Variants in ATRNL1 observed in about 807,000 individuals in gnomAD.
The protein encoded by ATRNL1 is attractin like 1.
In ATRNL1, 95 loss-of-function variants were observed where a neutral mutation model predicts 182.7. The ratio of observed to expected loss-of-function variants is 0.52; its 90% CI spans 0.44 to 0.62. The LOEUF is 0.62. Ranked by LOEUF, ATRNL1 falls within the 20% of genes least tolerant of loss-of-function variation. ATRNL1 has a pLI of 0.00. For missense variants in ATRNL1, 1,471 were observed against 1,679.5 expected (o/e 0.88, Z 2.17); for synonymous variants, 576 against 568.3 (o/e 1.01, Z -0.19).
chr10:115,346,940 G>T (rs1554939916), intron 19 of ATRNL1, among the ~76,000 whole-genome samples: 1 of 151,898 alleles, frequency 6.6e-6, no homozygotes, highest in African/African-American at 2.4e-5. Context: ...CAAATCCATT[G>T]CCATATGTAA....
At chr10:115,796,343 C>A (rs2420117) in intron 27 of ATRNL1, among the ~76,000 whole-genome samples, 1 of 151,814 alleles carries the variant, frequency 6.6e-6, no homozygotes, top group African/African-American at 2.4e-5. Flanking sequence ...TTTCCCCTTC[C>A]CACCTAATCT....
intron 5 of ATRNL1, among the ~76,000 whole-genome samples, chr10:115,136,505 G>T (rs902503296): frequency 2.0e-5 from 3 of 152,118 alleles, no homozygotes; most frequent in African/African-American, 7.2e-5. Flanking sequence ...ACATTCTGTG[G>T]GTTTGGACAA....
intron 28 of ATRNL1, among the ~76,000 whole-genome samples, chr10:115,917,983 G>A (rs1952924522): frequency 6.6e-6 from 1 of 151,636 alleles, no homozygotes; most frequent in East Asian, 1.9e-4. Context: ...CCAGAAATAA[G>A]ATTTGTATCA....
intron 19 of ATRNL1, among the ~76,000 whole-genome samples, chr10:115,336,233 G>T (rs1374487029): frequency 2.6e-5 from 4 of 152,076 alleles, no homozygotes; most frequent in African/African-American, 9.7e-5. Flanking sequence ...GTTAATGCAG[G>T]AGTTATGTTC....
At chr10:115,108,227 G>A (rs541101604) in intron 1 of ATRNL1, among the ~76,000 whole-genome samples, 9 of 152,236 alleles carry the variant, frequency 5.9e-5, no homozygotes, top group African/African-American at 1.9e-4. Context: ...TAGCCACGCA[G>A]CTCTTTCAAT....
At chr10:115,688,308 G>A (rs1377878512) in intron 26 of ATRNL1, among the ~76,000 whole-genome samples, 1 of 152,074 alleles carries the variant, frequency 6.6e-6, no homozygotes, top group Non-Finnish European at 1.5e-5. Flanking sequence ...TTGATACACT[G>A]ATTTCCTTTG....
At chr10:115,537,711 T>TTTGTTTGTTTG (rs1852118023) in intron 25 of ATRNL1, among the ~76,000 whole-genome samples, 1 of 48,476 alleles carries the variant, frequency 2.1e-5, no homozygotes, top group Non-Finnish European at 4.9e-5. Context: ...TTGTTTGTTT[T>TTTGTTTGTTTG]TTACTTCTGT....
chr10:115,802,446 GA>G (rs1165242890), intron 27 of ATRNL1, among the ~76,000 whole-genome samples: 9 of 151,810 alleles, frequency 5.9e-5, no homozygotes, highest in Non-Finnish European at 5.9e-5. Flanking sequence ...CACAGAAGTG[GA>G]AAAAAAGAAT....
chr10:115,293,942 C>T (rs1206938266), intron 15 of ATRNL1, among the ~76,000 whole-genome samples: 1 of 152,156 alleles, frequency 6.6e-6, no homozygotes, highest in East Asian at 1.9e-4. Context: ...TGTAGAGGAC[C>T]TGTATAGGCT....
chr10:115,426,181 G>T, intron 20 of ATRNL1, 69 bp from the exon 21 acceptor site: 1 of 1,249,400 alleles, frequency 8.0e-7, no homozygotes, highest in Admixed American at 1.9e-5. Context: ...ATACTTTTTT[G>T]CTTGAAGAAA....
At chr10:115,811,569 A>G (rs1021656258) in intron 27 of ATRNL1, among the ~76,000 whole-genome samples, 1 of 152,020 alleles carries the variant, frequency 6.6e-6, no homozygotes, top group Non-Finnish European at 1.5e-5. Flanking sequence ...ATCTCCAACT[A>G]TAATTGTAGT....
intron 26 of ATRNL1, among the ~76,000 whole-genome samples, chr10:115,595,249 C>T (rs1419531969): frequency 6.6e-6 from 1 of 151,906 alleles, no homozygotes; most frequent in African/African-American, 2.4e-5. Context: ...TTCTTCCTTC[C>T]TTCCCTTTTT....
chr10:115,833,178 A>G (rs1950596710), intron 27 of ATRNL1, among the ~76,000 whole-genome samples: 1 of 152,226 alleles, frequency 6.6e-6, no homozygotes, highest in Non-Finnish European at 1.5e-5. Context: ...ACTGTATGCA[A>G]TACAATATAC....
At chr10:115,400,283 T>C (rs749613456) in intron 20 of ATRNL1, among the ~76,000 whole-genome samples, 4 of 152,056 alleles carry the variant, frequency 2.6e-5, no homozygotes, top group Non-Finnish European at 5.9e-5. Flanking sequence ...TAAAACTATA[T>C]AATTTGATTG....
chr10:115,202,268 G>T (rs1167914937), intron 8 of ATRNL1, among the ~76,000 whole-genome samples: 28 of 151,174 alleles, frequency 1.9e-4, no homozygotes, highest in Admixed American at 1.5e-3. Flanking sequence ...CCAACACTAT[G>T]TTGAATAGGA....
intron 26 of ATRNL1, among the ~76,000 whole-genome samples, chr10:115,585,008 C>G (rs1303491753): frequency 4.9e-5 from 7 of 143,778 alleles, no homozygotes; most frequent in African/African-American, 1.8e-4. Flanking sequence ...CGTTATGTAC[C>G]CAGTAGTCAT....
intron 26 of ATRNL1, among the ~76,000 whole-genome samples, chr10:115,665,545 T>C (rs578045765): frequency 6.6e-6 from 1 of 152,074 alleles, no homozygotes; most frequent in East Asian, 1.9e-4. Flanking sequence ...GAAGAAGAAA[T>C]CCATGAAAAA....
At chr10:115,494,160 C>T (rs1165494843) in intron 24 of ATRNL1, among the ~76,000 whole-genome samples, 2 of 151,986 alleles carry the variant, frequency 1.3e-5, no homozygotes, top group African/African-American at 2.4e-5. Flanking sequence ...GTTGCAATTG[C>T]TTTTGGCATC....
chr10:115,898,022 G>C lies in ATRNL1; in HGVS notation c.4019-46636G>C, dbSNP rs569322454. Among the ~76,000 whole-genome samples, 6 of 152,020 alleles carry C rather than the reference G, an allele frequency of 3.9e-5. No homozygotes were observed. The South Asian group carries it at 1.2e-3, about 32-fold the overall frequency. ...CTCACTGCAACCTCCCGTCTTCCCG[G>C]GTTCAAGCAATTCTCCTGCCTCAGC... On this transcript the variant is annotated intron_variant, in intron 28 of 28. Transcript: ENST00000355044.
Sources: gnomAD v4.1 joint callset for allele counts (sites outside exome capture counted in the v4.1 genomes callset) on GRCh38, gnomAD v4.1.1 for gene constraint, MANE v1.5 for transcripts, NCBI Gene and HGNC (gene_info 2026-07-23, HGNC 2026-07-21) for gene names.